The following RFX3 variants were observed in gnomAD, a reference collection of about 807,000 sequenced individuals.
The protein encoded by RFX3 is regulatory factor X3, also known as transcription factor RFX3.
Under a neutral mutation model 98.6 loss-of-function variants are expected in RFX3, and 14 were observed. The observed-to-expected ratio is 0.14, with a 90% CI of 0.09 to 0.22. The LOEUF is 0.22. Ranked by LOEUF, RFX3 falls within the 10% of genes least tolerant of loss-of-function variation. RFX3 has a pLI of 1.00. For missense variants in RFX3, 639 were observed against 926.9 expected, an observed-to-expected ratio of 0.69 and a Z score of 4.03; for synonymous variants, 383 against 328.4, an observed-to-expected ratio of 1.17 and a Z score of -1.80.
At position 3,223,142 on chromosome 9, in the gene RFX3, C is replaced by G. The variant is rs970545626; in HGVS notation, c.*1900G>C. On this transcript the variant is annotated 3_prime_UTR_variant, in exon 17 of 17. Transcript: ENST00000617270. ...ATATAGGCCTCATTTGATAATCTGT[C>G]AATCATTTTGTGCTTTCCTTTTTTT... is the stretch of plus-strand genomic sequence containing the variant. 6.6e-6 allele frequency: 1 copy of G among 151,594 alleles called. No homozygotes were observed. Among genetic ancestry groups the G allele is most frequent in the Non-Finnish European group, 1.5e-5 (1 of 67,936 alleles). 9.4% of individuals were successfully genotyped at this position (151,594 alleles called of 1,614,324 possible).
At chr9:3,477,745 C>G (rs1443391233) in intron 1 of RFX3, among the ~76,000 whole-genome samples, 12 of 152,078 alleles carry the variant, frequency 7.9e-5, no homozygotes, top group Non-Finnish European at 1.8e-4. Flanking sequence ...AATATTCTTT[C>G]TGCCTCATTC....
chr9:3,268,348 T>C (rs1823929795), intron 11 of RFX3, among the ~76,000 whole-genome samples: 1 of 151,802 alleles, frequency 6.6e-6, no homozygotes, highest in Non-Finnish European at 1.5e-5. Context: ...GATTCATGTA[T>C]GTACAAAATT....
chr9:3,239,630 T>C (rs535043425), intron 15 of RFX3, among the ~76,000 whole-genome samples: 55 of 152,340 alleles, frequency 3.6e-4, no homozygotes, highest in African/African-American at 1.3e-3. Context: ...GATTACAATA[T>C]TGGCCTTAGT....
intron 4 of RFX3, among the ~76,000 whole-genome samples, chr9:3,329,438 A>G (rs1832337831): frequency 6.9e-6 from 1 of 144,104 alleles, no homozygotes; most frequent in Non-Finnish European, 1.5e-5. Flanking sequence ...ACAAAAAACC[A>G]CCAAACAATA....
intron 1 of RFX3, among the ~76,000 whole-genome samples, chr9:3,506,800 A>G (rs1302515352): frequency 6.6e-6 from 1 of 151,936 alleles, no homozygotes; most frequent in Non-Finnish European, 1.5e-5. Flanking sequence ...ATCCACTGCC[A>G]GCTACATGAT....
At chr9:3,459,282 A>G (rs1053539803) in intron 1 of RFX3, among the ~76,000 whole-genome samples, 50 of 152,192 alleles carry the variant, frequency 3.3e-4, no homozygotes, top group African/African-American at 1.2e-3. Context: ...TTGCTGTGAC[A>G]TGATTTATGC....
intron 2 of RFX3, among the ~76,000 whole-genome samples, chr9:3,383,802 G>A (rs981483657): frequency 1.3e-5 from 2 of 152,018 alleles, no homozygotes; most frequent in Non-Finnish European, 2.9e-5. Context: ...GGGGATGGGG[G>A]TTTCTGGTAA....
At chr9:3,449,188 A>G (rs1846334265) in intron 1 of RFX3, among the ~76,000 whole-genome samples, 1 of 152,200 alleles carries the variant, frequency 6.6e-6, no homozygotes, top group Admixed American at 6.5e-5. Flanking sequence ...GGAGAGCAAC[A>G]CCTAGCATAC....
intron 1 of RFX3, among the ~76,000 whole-genome samples, chr9:3,428,895 C>T (rs1462607904): frequency 6.6e-6 from 1 of 152,078 alleles, no homozygotes; most frequent in Non-Finnish European, 1.5e-5. Context: ...CAAACAAATG[C>T]TTAGAGATAG....
chr9:3,416,175 T>C (rs1018500649), intron 1 of RFX3, among the ~76,000 whole-genome samples: 1 of 152,162 alleles, frequency 6.6e-6, no homozygotes, highest in Admixed American at 6.5e-5. Flanking sequence ...TTTAACTAGG[T>C]GCTTTATAAA....
chr9:3,440,694 C>G (rs10814097), intron 1 of RFX3, among the ~76,000 whole-genome samples: 24,224 of 152,070 alleles, frequency 0.16, 2,661 homozygotes, highest in African/African-American at 0.31. Context: ...ATCCAAATCC[C>G]AAATCCCAAT....
At chr9:3,358,267 A>G (rs10971535) in intron 2 of RFX3, among the ~76,000 whole-genome samples, 27,046 of 151,942 alleles carry the variant, frequency 0.18, 5,091 homozygotes, top group African/African-American at 0.48. Flanking sequence ...AATAACTGGT[A>G]AAATTATGAA....
At chr9:3,277,260 A>G (rs2304929) in intron 8 of RFX3, 80 bp downstream of exon 8, 104,711 of 1,458,036 alleles carry the variant, frequency 0.072, 6,709 homozygotes, top group East Asian at 0.39. Flanking sequence ...ATTGACATCT[A>G]TAATAGACAT....
intron 1 of RFX3, chr9:3,421,019 C>CAAAAA (rs145747158): frequency 6.1e-5 from 11 of 181,232 alleles, no homozygotes; most frequent in Admixed American, 1.0e-4. Context: ...TACTATGTGC[C>CAAAAA]AAAAAAAAAA....
chr9:3,378,216 C>T lies in RFX3; in HGVS notation c.117+17256G>A, dbSNP rs529583893. Among the ~76,000 whole-genome samples, 3 of 152,258 alleles carry T rather than the reference C, an allele frequency of 2.0e-5. No homozygotes were observed. In the South Asian group the frequency reaches 6.2e-4, roughly 32 times the overall value. ...TTTAGGTAATATCTTCAAATTGTTACATGACTGTCGAAGAATTGGACAGGT... is the reference window on the plus strand; with the variant it reads ...TTTAGGTAATATCTTCAAATTGTTATATGACTGTCGAAGAATTGGACAGGT... On this transcript the variant is annotated intron_variant, in intron 2 of 16. Transcript: ENST00000617270.
At chr9:3,321,000 CA>C (rs112202775) in intron 4 of RFX3, among the ~76,000 whole-genome samples, 42,001 of 151,234 alleles carry the variant, frequency 0.28, 10,138 homozygotes, top group African/African-American at 0.66. Context: ...CTCCTAGGTT[CA>C]AAGCGATTCT....
In RFX3 at chr9:3,432,914, A is replaced by C. The variant is rs1019576364; in HGVS notation, c.-8-37318T>G. On this transcript the variant is annotated intron_variant, in intron 1 of 16. Coordinates refer to ENST00000617270, the MANE Select transcript of RFX3 (RefSeq NM_001282116.2). Reference sequence around the variant, plus strand: ...AACATTTTTAGAGAAAAGATAAAGCAAAAAAGTCAGATACAAATTACAATG... The same window carrying C: ...AACATTTTTAGAGAAAAGATAAAGCCAAAAAGTCAGATACAAATTACAATG... Among the ~76,000 whole-genome samples, 57 of 152,302 alleles carry C rather than the reference A, an allele frequency of 3.7e-4. 1 individual carries two copies. The highest frequency in any genetic ancestry group is 1.2e-3 in the African/African-American group (51 of 41,576).
At chr9:3,459,378 A>G (rs1184751671) in intron 1 of RFX3, among the ~76,000 whole-genome samples, 1 of 152,160 alleles carries the variant, frequency 6.6e-6, no homozygotes, top group African/African-American at 2.4e-5. Flanking sequence ...TTCTACCCCA[A>G]TCACATCTGT....
chr9:3,484,852 A>C (rs1261079798), intron 1 of RFX3, among the ~76,000 whole-genome samples: 1 of 152,056 alleles, frequency 6.6e-6, no homozygotes, highest in Non-Finnish European at 1.5e-5. Context: ...GGGAGGCCAA[A>C]AAGGAAGGCT....
Sources: allele counts gnomAD v4.1 joint callset (sites outside exome capture counted in the v4.1 genomes callset), GRCh38; gene constraint gnomAD v4.1.1; transcripts MANE v1.5; gene names NCBI Gene and HGNC (gene_info 2026-07-23, HGNC 2026-07-21).